RAD51B: variants seen among roughly 807,000 people sequenced by gnomAD.
RAD51B encodes the protein DNA repair protein RAD51 homolog 2.
A neutral mutation model predicts 42.2 loss-of-function variants in RAD51B; 38 were observed. The observed-to-expected ratio is 0.90, with a 90% CI of 0.70 to 1.18. The LOEUF (loss-of-function observed/expected upper bound fraction) is 1.18. RAD51B is among the 50% of genes most tolerant of loss of function. RAD51B has a pLI of 0.00. For synonymous variants in RAD51B, 154 were observed against 145.2 expected (o/e 1.06, Z -0.43); for missense variants, 373 against 400.7 (o/e 0.93, Z 0.59).
intron 7 of RAD51B, among the ~76,000 whole-genome samples, chr14:68,014,833 A>T (rs930265293): frequency 1.3e-5 from 2 of 149,704 alleles, no homozygotes; most frequent in African/African-American, 5.0e-5. Flanking sequence ...ACTTGGAAAC[A>T]ATATAAGAAT....
At chr14:67,859,748 T>G (rs181760484) in intron 4 of RAD51B, among the ~76,000 whole-genome samples, 62 of 152,272 alleles carry the variant, frequency 4.1e-4, no homozygotes, top group Middle Eastern at 3.4e-3. Context: ...CAGTACATTA[T>G]TAGTAACATT....
intron 7 of RAD51B, among the ~76,000 whole-genome samples, chr14:68,033,395 A>G (rs1050676343): frequency 4.6e-5 from 7 of 152,082 alleles, no homozygotes; most frequent in African/African-American, 1.7e-4. Flanking sequence ...GTTTGTTTTT[A>G]TTCCAGACTA....
chr14:68,427,033 G>A (rs897315362), intron 9 of RAD51B, among the ~76,000 whole-genome samples: 2 of 152,220 alleles, frequency 1.3e-5, no homozygotes, highest in African/African-American at 4.8e-5. Flanking sequence ...CTAGAGGCAC[G>A]AGTAGTAAGC....
rs952761672 is a variant in RAD51B, at chr14:68,667,008, C to T, written c.*11+16152C>T. Among the ~76,000 whole-genome samples the T allele has an allele frequency of 2.6e-5, 4 of 152,184 alleles. No individual in the cohort carries two copies. In the South Asian group the frequency reaches 8.3e-4, roughly 31 times the overall value. On this transcript the variant is annotated intron_variant, in intron 11 of 11. Coordinates refer to the RAD51B transcript ENST00000488612. ...CCTGATGACAGCAATCCTGAAGTCA[C>T]GTGTTTCAGGTGACATAACCACTGA...
chr14:68,226,290 G>A (rs1292335811), intron 7 of RAD51B, among the ~76,000 whole-genome samples: 1 of 152,196 alleles, frequency 6.6e-6, no homozygotes, highest in Non-Finnish European at 1.5e-5. Context: ...AAGTAAGAAA[G>A]CATAATATTC....
intron 8 of RAD51B, among the ~76,000 whole-genome samples, chr14:68,400,561 C>T (rs530266950): frequency 5.3e-5 from 8 of 152,332 alleles, no homozygotes; most frequent in Non-Finnish European, 1.0e-4. Flanking sequence ...TATCCGCCTG[C>T]TGCCTCTGAC....
chr14:68,430,679 T>A (rs1226453363), intron 9 of RAD51B, among the ~76,000 whole-genome samples: 1 of 152,238 alleles, frequency 6.6e-6, no homozygotes, highest in African/African-American at 2.4e-5. Flanking sequence ...ACATATACAA[T>A]CATATATCAT....
intron 8 of RAD51B, among the ~76,000 whole-genome samples, chr14:68,382,638 T>A (rs1212039961): frequency 6.6e-6 from 1 of 152,256 alleles, no homozygotes; most frequent in Non-Finnish European, 1.5e-5. Context: ...TCATTGGAGT[T>A]GATTTGCTCA....
intron 8 of RAD51B, among the ~76,000 whole-genome samples, chr14:68,366,336 A>G (rs34749838): frequency 0.011 from 1,699 of 152,340 alleles, 29 homozygotes; most frequent in African/African-American, 0.038. Flanking sequence ...GACCATGACA[A>G]AAGTGTACCA....
chr14:68,659,877 G>A (rs1038450026), intron 11 of RAD51B, among the ~76,000 whole-genome samples: 2 of 152,244 alleles, frequency 1.3e-5, no homozygotes, highest in African/African-American at 4.8e-5. Flanking sequence ...GACAAGAGAT[G>A]CTGACACCTG....
At chr14:68,339,533 G>C (rs893220411) in intron 8 of RAD51B, 3 of 397,822 alleles carry the variant, frequency 7.5e-6, no homozygotes, top group Admixed American at 4.3e-5. Context: ...CAGCATCTTG[G>C]GTGGCGGGAG....
chr14:68,132,532 G>A (rs1052808606), intron 7 of RAD51B, among the ~76,000 whole-genome samples: 1 of 152,186 alleles, frequency 6.6e-6, no homozygotes, highest in South Asian at 2.1e-4. Context: ...TTCATTGCAT[G>A]TGGTGGAAAC....
rs372090044 is a variant in RAD51B, at chr14:68,353,089, A to G, written c.854-58335A>G. The stretch of plus-strand genomic sequence containing the variant: ...TGTCAGAAAGCAAGTTGAAAGCAAA[A>G]CAGCCCCCTCTGGGCCTCTTCCCTA... On this transcript the variant is annotated intron_variant, in intron 8 of 10. Transcript: ENST00000471583. 1.9e-4 allele frequency among the ~76,000 whole-genome samples: 29 copies of G among 152,284 alleles called. No individual in the cohort carries two copies. The East Asian group carries it at 5.4e-3, about 28-fold the overall frequency.
chr14:68,120,272 C>T (rs2077625081), intron 7 of RAD51B, among the ~76,000 whole-genome samples: 1 of 152,032 alleles, frequency 6.6e-6, no homozygotes, highest in Non-Finnish European at 1.5e-5. Context: ...TGTAGGTTGC[C>T]TGTTCACTCT....
intron 7 of RAD51B, among the ~76,000 whole-genome samples, chr14:68,051,529 C>A (rs1368387508): frequency 6.6e-6 from 1 of 151,706 alleles, no homozygotes; most frequent in African/African-American, 2.4e-5. Flanking sequence ...TGAATTTTCA[C>A]ATTTTTAAAA....
intron 8 of RAD51B, among the ~76,000 whole-genome samples, chr14:68,384,341 C>T (rs1469996553): frequency 6.6e-6 from 1 of 152,088 alleles, no homozygotes; most frequent in African/African-American, 2.4e-5. Flanking sequence ...TGAACCAACA[C>T]TCAAAAGTAC....
At chr14:68,635,997 C>T (rs577464616) in intron 10 of RAD51B, among the ~76,000 whole-genome samples, 4 of 152,092 alleles carry the variant, frequency 2.6e-5, no homozygotes, top group African/African-American at 9.6e-5. Context: ...GTTTTAATTG[C>T]TACTAATTTA....
At chr14:67,964,605 T>C (rs538360566) in intron 7 of RAD51B, among the ~76,000 whole-genome samples, 4 of 152,282 alleles carry the variant, frequency 2.6e-5, no homozygotes, top group African/African-American at 9.6e-5. Context: ...TTAACAGCAG[T>C]GAGGTTTTTT....
At position 68,452,138 on chromosome 14, in the gene RAD51B, A is replaced by G. The variant is rs2842321; in HGVS notation, c.958-16034A>G. Among the ~76,000 whole-genome samples the G allele has an allele frequency of 2.4e-3, 366 of 152,274 alleles. 2 individuals carry two copies. The highest frequency in any genetic ancestry group is 0.014 in the Middle Eastern group (4 of 294). The stretch of plus-strand genomic sequence containing the variant: ...AAATCAGGCTTGCCTAACTGGATAT[A>G]CAGAGCTTAGCATTAACAGCTGGAC... On this transcript the variant is annotated intron_variant, in intron 9 of 10. Transcript: ENST00000471583.
Sources: gnomAD v4.1 joint callset for allele counts (sites outside exome capture counted in the v4.1 genomes callset) on GRCh38, gnomAD v4.1.1 for gene constraint, MANE v1.5 for transcripts, NCBI Gene and HGNC (gene_info 2026-07-23, HGNC 2026-07-21) for gene names.